The following DCC variants were observed in gnomAD, a reference collection of about 807,000 sequenced individuals.
The protein encoded by DCC is netrin receptor DCC.
DCC carries 58 observed loss-of-function variants against 172.5 expected under a neutral mutation model. The observed-to-expected ratio is 0.34, with a 90% CI of 0.27 to 0.42. DCC has a LOEUF of 0.42. Ranked by LOEUF, DCC falls within the 10% of genes least tolerant of loss-of-function variation. DCC has a pLI of 1.00. For missense variants in DCC, 1,740 were observed against 1,791.0 expected (o/e 0.97, Z 0.51); for synonymous variants, 709 against 644.5 (o/e 1.10, Z -1.52).
At chr18:53,182,153 C>A (rs1348377115) in intron 9 of DCC, among the ~76,000 whole-genome samples, 1 of 152,150 alleles carries the variant, frequency 6.6e-6, no homozygotes, top group Non-Finnish European at 1.5e-5. Context: ...ATAAAACATG[C>A]TGATTGTTGG....
intron 1 of DCC, among the ~76,000 whole-genome samples, chr18:52,673,869 C>G (rs185752588): frequency 5.9e-5 from 9 of 152,132 alleles, no homozygotes; most frequent in African/African-American, 2.2e-4. Flanking sequence ...GTTGGTAGTG[C>G]CTCCACTAGG....
intron 1 of DCC, among the ~76,000 whole-genome samples, chr18:52,497,280 A>T (rs368775815): frequency 0.31 from 6,643 of 21,456 alleles, 1,093 homozygotes; most frequent in African/African-American, 0.5. Flanking sequence ...AAAAAAAAAA[A>T]ATATATATAT....
chr18:53,507,677 T>A (rs899852404), intron 27 of DCC, among the ~76,000 whole-genome samples: 1 of 152,168 alleles, frequency 6.6e-6, no homozygotes, highest in Non-Finnish European at 1.5e-5. Context: ...TAAGCCCTAT[T>A]CATGAAACCG....
At chr18:53,319,971 C>A (rs193201425) in intron 13 of DCC, among the ~76,000 whole-genome samples, 83 of 152,072 alleles carry the variant, frequency 5.5e-4, no homozygotes, top group African/African-American at 1.9e-3. Context: ...CTGACCATCA[C>A]AGAGGATATT....
intron 1 of DCC, among the ~76,000 whole-genome samples, chr18:52,360,522 G>A (rs76832434): frequency 0.034 from 5,182 of 152,240 alleles, 297 homozygotes; most frequent in African/African-American, 0.12. Context: ...AATAGGAGAC[G>A]GTAATAATGC....
chr18:52,699,420 G>T (rs1025378694), intron 1 of DCC, among the ~76,000 whole-genome samples: 2 of 152,130 alleles, frequency 1.3e-5, no homozygotes, highest in Non-Finnish European at 2.9e-5. Flanking sequence ...CCCCCCCAAG[G>T]TTTGACTGTG....
chr18:52,977,415 C>A (rs548531674), intron 5 of DCC, among the ~76,000 whole-genome samples: 315 of 152,272 alleles, frequency 2.1e-3, no homozygotes, highest in African/African-American at 7.4e-3. Context: ...GATGCCAATG[C>A]ACAGCCTGAA....
chr18:53,193,528 A>G (rs2055397190), intron 9 of DCC, among the ~76,000 whole-genome samples: 1 of 152,154 alleles, frequency 6.6e-6, no homozygotes, highest in African/African-American at 2.4e-5. Context: ...GACATTAAAT[A>G]GCTTGATCCT....
rs963192827 is a variant in DCC at position 53,071,352 on chromosome 18, G to C, written c.1261+5186G>C. On this transcript the variant is annotated intron_variant, in intron 7 of 28. Transcript: ENST00000442544. ...ATTTGAAATGTATGCATTTTCAAAT[G>C]TGAAATGTATACACGGTTTCCTCTA... Among the ~76,000 whole-genome samples the C allele has an allele frequency of 2.0e-5, 3 of 152,164 alleles. No individual in the cohort carries two copies. The East Asian group carries it at 5.8e-4, about 29-fold the overall frequency.
chr18:52,480,237 T>C lies in DCC; in HGVS notation c.91+139359T>C, dbSNP rs185927680. ...AAAAAACAAACAAACTGCTAAATAA[T>C]TTATTAAATAAGAACAGGGGATAGA... is the stretch of plus-strand genomic sequence containing the variant. On this transcript the variant is annotated intron_variant, in intron 1 of 28. Coordinates refer to ENST00000442544, the MANE Select transcript of DCC (RefSeq NM_005215.4). 3.3e-5 allele frequency among the ~76,000 whole-genome samples: 5 copies of C among 151,594 alleles called. No homozygotes were observed. The East Asian group carries it at 9.7e-4, about 29-fold the overall frequency.
At chr18:52,633,516 T>A (rs577503533) in intron 1 of DCC, among the ~76,000 whole-genome samples, 2 of 152,296 alleles carry the variant, frequency 1.3e-5, no homozygotes, top group African/African-American at 4.8e-5. Context: ...ATTCTGCCCA[T>A]CTATACAATG....
chr18:53,306,336 G>T (rs769309045), intron 13 of DCC, among the ~76,000 whole-genome samples: 2 of 152,076 alleles, frequency 1.3e-5, no homozygotes, highest in Non-Finnish European at 2.9e-5. Context: ...AACAGCTCAG[G>T]TTCCTAGAAA....
chr18:53,176,499 C>T (rs1217171442), intron 8 of DCC, among the ~76,000 whole-genome samples: 3 of 150,020 alleles, frequency 2.0e-5, no homozygotes, highest in Non-Finnish European at 3.0e-5. Context: ...ACAAACAACC[C>T]CATCAAAAAG....
chr18:52,525,771 G>T (rs992370604), intron 1 of DCC, among the ~76,000 whole-genome samples: 8 of 152,184 alleles, frequency 5.3e-5, no homozygotes, highest in African/African-American at 1.9e-4. Context: ...TACTAAGAAT[G>T]ATGACAATAA....
At chr18:53,288,269 A>C (rs1036581358) in intron 12 of DCC, among the ~76,000 whole-genome samples, 1 of 152,122 alleles carries the variant, frequency 6.6e-6, no homozygotes, top group Admixed American at 6.5e-5. Flanking sequence ...ATATTTATTA[A>C]AGCAGATTAG....
intron 1 of DCC, among the ~76,000 whole-genome samples, chr18:52,669,860 C>T (rs568523115): frequency 6.7e-6 from 1 of 148,492 alleles, no homozygotes; most frequent in South Asian, 2.1e-4. Flanking sequence ...CAAAACAAAA[C>T]AAAACAAAAC....
At chr18:52,848,169 T>G (rs1488646780) in intron 2 of DCC, among the ~76,000 whole-genome samples, 1 of 145,538 alleles carries the variant, frequency 6.9e-6, no homozygotes, top group African/African-American at 2.5e-5. Context: ...CACTGCAACC[T>G]CCGCCTCCCA....
intron 5 of DCC, among the ~76,000 whole-genome samples, chr18:53,023,221 G>T (rs1333035845): frequency 2.0e-5 from 3 of 151,264 alleles, no homozygotes. Context: ...AATTGTTTAA[G>T]AAATAATTTC....
At chr18:52,751,889 T>C in intron 1 of DCC, 165 bp from the exon 2 acceptor site, 1 of 624,682 alleles carries the variant, frequency 1.6e-6, no homozygotes. Context: ...TGGGTACTTT[T>C]TTGCTTATTT....
Sources: allele counts gnomAD v4.1 joint callset (sites outside exome capture counted in the v4.1 genomes callset), GRCh38; gene constraint gnomAD v4.1.1; transcripts MANE v1.5; gene names NCBI Gene and HGNC (gene_info 2026-07-23, HGNC 2026-07-21).